PCDHGA2: variants seen among roughly 807,000 people sequenced by gnomAD.
The protein encoded by PCDHGA2 is protocadherin gamma-A2.
A neutral mutation model predicts 59.2 loss-of-function variants in PCDHGA2; 40 were observed. The ratio of observed to expected loss-of-function variants is 0.68; its 90% CI spans 0.52 to 0.88. The LOEUF is 0.88. Ranked by LOEUF, PCDHGA2 falls within the 40% of genes least tolerant of loss-of-function variation. The pLI is 0.00. For missense variants in PCDHGA2, 1,226 were observed against 1,204.0 expected, an observed-to-expected ratio of 1.02 and a Z score of -0.27; for synonymous variants, 560 against 526.0, an observed-to-expected ratio of 1.06 and a Z score of -0.89.
chr5:141,475,914 A>C (rs2099380300), intron 1 of PCDHGA2: 1 of 592,260 alleles, frequency 1.7e-6, no homozygotes, highest in African/African-American at 1.9e-5. Context: ...GCCAATGAAG[A>C]CGCTGGAGAT....
At chr5:141,371,827 A>AT (rs1561552791) in intron 1 of PCDHGA2, 3 of 1,613,784 alleles carry the variant, frequency 1.9e-6, no homozygotes, top group Admixed American at 3.3e-5. Context: ...AGAGCCTCGG[A>AT]TCCCGACTTG....
At chr5:141,450,881 G>A (rs1205242412) in intron 1 of PCDHGA2, among the ~76,000 whole-genome samples, 1 of 149,726 alleles carries the variant, frequency 6.7e-6, no homozygotes, top group African/African-American at 2.5e-5. Flanking sequence ...CTGGTGTGCA[G>A]TGGTGCGATA....
chr5:141,365,776 C>T (rs764374830), intron 1 of PCDHGA2: 6 of 1,613,892 alleles, frequency 3.7e-6, no homozygotes, highest in South Asian at 1.1e-5. Flanking sequence ...CCGACAGCGG[C>T]GACAACGCTC....
Position 141,485,302 on chromosome 5 carries a change from T to C in PCDHGA2, c.2425-9505T>C. 1.2e-6 allele frequency: 2 copies of C among 1,614,152 alleles called. No homozygotes were observed. Among genetic ancestry groups the C allele is most frequent in the South Asian group, 2.2e-5 (2 of 91,078 alleles). On this transcript the variant is annotated intron_variant, in intron 1 of 3. Coordinates refer to ENST00000394576, the MANE Select transcript of PCDHGA2 (RefSeq NM_018915.4). This position sits in a 1 kb window ranked among gnomAD's most constrained non-coding sequence, Gnocchi z 5.7. ...TCCCAGAGGAGTCACAGGAAGGGAC[T>C]TTTGTAGGGAATGTCGCTCAAGATT... is the stretch of plus-strand genomic sequence containing the variant.
At chr5:141,448,359 CTTTA>C in intron 1 of PCDHGA2, among the ~76,000 whole-genome samples, 1 of 152,074 alleles carries the variant, frequency 6.6e-6, no homozygotes, top group East Asian at 1.9e-4. Context: ...TAGTAGTTTT[CTTTA>C]TTTTATTTTT....
In PCDHGA2 at chr5:141,365,348, G is replaced by A. The variant is rs770428432; in HGVS notation, c.2424+23953G>A. ...TAAGGTGGTGGTCACAGTACAGGAC[G>A]TGAATGACAATGCCCCCGAAGTGAT... On this transcript the variant is annotated intron_variant, in intron 1 of 3. Transcript: ENST00000394576. 4 of 1,613,954 alleles carry A rather than the reference G, an allele frequency of 2.5e-6. No homozygotes were observed. Among genetic ancestry groups the A allele is most frequent in the African/African-American group, 1.3e-5 (1 of 75,034 alleles).
At position 141,490,545 on chromosome 5, in the gene PCDHGA2, C is replaced by T; in HGVS notation, c.2425-4262C>T. 3 of 1,614,164 alleles carry T rather than the reference C, an allele frequency of 1.9e-6. No homozygotes were observed. The highest frequency in any genetic ancestry group is 2.5e-6 in the Non-Finnish European group (3 of 1,180,018). ...GCGATGCTGGTTCACCTTCCCTACA[C>T]AAACATCTCACCATCAGGCTCAACA... On this transcript the variant is annotated intron_variant, in intron 1 of 3. Coordinates refer to ENST00000394576, the MANE Select transcript of PCDHGA2 (RefSeq NM_018915.4). The surrounding 1 kb of genome is among the most constrained non-coding windows in gnomAD (Gnocchi z 5.4).
At chr5:141,479,391 T>G (rs2099494461) in intron 1 of PCDHGA2, 1 of 152,266 alleles carries the variant, frequency 6.6e-6, no homozygotes, top group Non-Finnish European at 1.5e-5. Flanking sequence ...AGCCCAGGAG[T>G]TCTGGGCTGT....
intron 1 of PCDHGA2, chr5:141,372,532 T>C (rs2150008229): frequency 6.2e-7 from 1 of 1,614,022 alleles, no homozygotes; most frequent in South Asian, 1.1e-5. Context: ...GCAATCTCCC[T>C]GCGCCTGCGA....
Position 141,409,216 on chromosome 5 carries a change from T to G in PCDHGA2, c.2424+67821T>G, listed in dbSNP as rs368791778. 9.9e-6 allele frequency: 16 copies of G among 1,613,886 alleles called. No individual in the cohort carries two copies. The African/African-American group carries it at 1.1e-4, about 11-fold the overall frequency. ...AGTGTAAAGTAATCATAGAAATCCT[T>G]GATGAAAACGACAACAGCCCAGAAA... is the stretch of plus-strand genomic sequence containing the variant. On this transcript the variant is annotated intron_variant, in intron 1 of 3. Coordinates refer to ENST00000394576, the MANE Select transcript of PCDHGA2 (RefSeq NM_018915.4).
intron 1 of PCDHGA2, among the ~76,000 whole-genome samples, chr5:141,481,105 T>C (rs1357970765): frequency 6.6e-6 from 1 of 152,188 alleles, no homozygotes; most frequent in Non-Finnish European, 1.5e-5. Flanking sequence ...CTCTGGAACC[T>C]ACCAATCCAT....
At position 141,356,765 on chromosome 5, in the gene PCDHGA2, A is replaced by C. The variant is rs1019076807; in HGVS notation, c.2424+15370A>C. The C allele has an allele frequency of 3.1e-6, 5 of 1,613,848 alleles. No homozygotes were observed. The African/African-American group carries it at 6.7e-5, about 22-fold the overall frequency. On this transcript the variant is annotated intron_variant, in intron 1 of 3. Transcript: ENST00000394576. The stretch of plus-strand genomic sequence containing the variant: ...CTATATGCTCTTTGCTCCTTCGACT[A>C]TGAGCAGTTTAGAGACCTGCAGCTG...
Position 141,476,836 on chromosome 5 carries a change from T to G in PCDHGA2, c.2425-17971T>G. 1 of 1,613,652 alleles carries G rather than the reference T, an allele frequency of 6.2e-7. No homozygotes were observed. The highest frequency in any genetic ancestry group is 8.5e-7 in the Non-Finnish European group (1 of 1,180,042). On this transcript the variant is annotated intron_variant, in intron 1 of 3. Coordinates refer to ENST00000394576, the MANE Select transcript of PCDHGA2 (RefSeq NM_018915.4). The surrounding 1 kb of genome is among the most constrained non-coding windows in gnomAD (Gnocchi z 7.6). ...TCAAGGTGCTGGACGCGAATGACAATGCGCCTGTCTTCAACCAGTCCTTGT... is the reference window on the plus strand; with the variant it reads ...TCAAGGTGCTGGACGCGAATGACAAGGCGCCTGTCTTCAACCAGTCCTTGT...
rs2099883762 is a variant in PCDHGA2, at chr5:141,511,396, C to T, written c.*223C>T. 9.8e-7 allele frequency: 1 copy of T among 1,016,834 alleles called. No homozygotes were observed. Among genetic ancestry groups the T allele is most frequent in the South Asian group, 1.7e-5 (1 of 58,996 alleles). The allele number at this position is 1,016,834 out of a possible 1,614,324, so 63.0% of individuals were successfully genotyped here. ...AAGCAGTTCCGCTGGGAACCCCCAT[C>T]CAATCAACTGCTGTACCCATGGGGG... On this transcript the variant is annotated 3_prime_UTR_variant, in exon 4 of 4. Coordinates refer to ENST00000394576, the MANE Select transcript of PCDHGA2 (RefSeq NM_018915.4).
intron 1 of PCDHGA2, chr5:141,400,577 T>G: frequency 6.2e-7 from 1 of 1,611,914 alleles, no homozygotes; most frequent in East Asian, 2.2e-5. Flanking sequence ...TTTTCTGTAT[T>G]TACATGAAAC....
chr5:141,405,698 G>C (rs1274236930), intron 1 of PCDHGA2, among the ~76,000 whole-genome samples: 1 of 152,128 alleles, frequency 6.6e-6, no homozygotes, highest in Non-Finnish European at 1.5e-5. Flanking sequence ...GGCTGGTCTT[G>C]AATTCCTAAC....
At chr5:141,419,977 G>A (rs962684463) in intron 1 of PCDHGA2, 1 of 1,614,066 alleles carries the variant, frequency 6.2e-7, no homozygotes, top group Non-Finnish European at 8.5e-7. Context: ...TTCTCCTCGC[G>A]GTGATTCTAG....
rs144203659 is a variant in PCDHGA2, at chr5:141,431,011, G to A, written c.2425-63796G>A. The A allele has an allele frequency of 1.5e-5, 24 of 1,613,168 alleles. No individual in the cohort carries two copies. The highest frequency in any genetic ancestry group is 1.7e-5 in the Non-Finnish European group (20 of 1,179,310). ...CCCTGAATCCGCGCAGCGGCAGCTTGGTCACGGCGGGCAGGATAGACCGGG... is the reference window on the plus strand; with the variant it reads ...CCCTGAATCCGCGCAGCGGCAGCTTAGTCACGGCGGGCAGGATAGACCGGG... On this transcript the variant is annotated intron_variant, in intron 1 of 3. Transcript: ENST00000394576. This position sits in a 1 kb window ranked among gnomAD's most constrained non-coding sequence, Gnocchi z 4.8.
chr5:141,370,484 C>G (rs750551260), intron 1 of PCDHGA2: 1 of 1,613,866 alleles, frequency 6.2e-7, no homozygotes, highest in African/African-American at 1.3e-5. Context: ...AGGCTCTCTC[C>G]GAACCGATCC....
Sources: gnomAD v4.1 joint callset for allele counts (sites outside exome capture counted in the v4.1 genomes callset) on GRCh38, gnomAD v4.1.1 for gene constraint, Gnocchi (gnomAD v3.1) non-coding constraint, MANE v1.5 for transcripts, NCBI Gene and HGNC (gene_info 2026-07-23, HGNC 2026-07-21) for gene names.